CBR4: variants seen among roughly 807,000 people sequenced by gnomAD.
CBR4 encodes the protein carbonyl reductase 4, also known as 3-oxoacyl-[acyl-carrier-protein] reductase.
Under a neutral mutation model 21.0 loss-of-function variants are expected in CBR4, and 22 were observed. The observed-to-expected ratio is 1.05, with a 90% CI of 0.75 to 1.50. The LOEUF is 1.50. CBR4 is among the 40% of genes most tolerant of loss of function. CBR4 has a pLI of 0.00. For missense variants in CBR4, 302 were observed against 286.3 expected (o/e 1.05, Z -0.40); for synonymous variants, 100 against 104.4 (o/e 0.96, Z 0.26).
intron 2 of CBR4, among the ~76,000 whole-genome samples, chr4:168,946,733 A>G (rs887689554): frequency 3.3e-5 from 5 of 152,170 alleles, no homozygotes; most frequent in African/African-American, 1.2e-4. Flanking sequence ...ATATTGACAA[A>G]TGTAACCCAC....
At chr4:168,935,414 C>T (rs1296118150) in intron 2 of CBR4, among the ~76,000 whole-genome samples, 3 of 152,134 alleles carry the variant, frequency 2.0e-5, no homozygotes, top group Admixed American at 1.3e-4. Flanking sequence ...CGAGACAGAA[C>T]CATTCACTCC....
At chr4:168,926,994 T>G in intron 2 of CBR4, 1 of 219,602 alleles carries the variant, frequency 4.6e-6, no homozygotes, top group Non-Finnish European at 9.2e-6. Context: ...ATACCTTAGT[T>G]CTTAACATTT....
At chr4:168,905,201 A>G (rs1458606115) in intron 2 of CBR4, among the ~76,000 whole-genome samples, 1 of 117,268 alleles carries the variant, frequency 8.5e-6, no homozygotes, top group African/African-American at 3.2e-5. Flanking sequence ...CCCAGGCTGG[A>G]ATGCAGTGGC....
chr4:168,907,526 G>A (rs943250926), intron 2 of CBR4, among the ~76,000 whole-genome samples: 104 of 152,106 alleles, frequency 6.8e-4, no homozygotes, highest in African/African-American at 2.4e-3. Flanking sequence ...GCTAGAGGAC[G>A]GCCACACCCA....
At chr4:168,962,005 G>A (rs1763876921) in intron 2 of CBR4, among the ~76,000 whole-genome samples, 2 of 138,268 alleles carry the variant, frequency 1.4e-5, no homozygotes, top group South Asian at 4.7e-4. Flanking sequence ...AAGGAAAGGA[G>A]AGGAGGAAGG....
intron 2 of CBR4, among the ~76,000 whole-genome samples, chr4:168,963,162 T>G (rs1763913598): frequency 6.6e-6 from 1 of 152,194 alleles, no homozygotes. Flanking sequence ...TCAGAAAGAT[T>G]TGGATGGTCA....
At chr4:168,961,944 AGAGGAGAGGAGAG>A (rs1763869947) in intron 2 of CBR4, among the ~76,000 whole-genome samples, 1 of 914 alleles carries the variant, frequency 1.1e-3, no homozygotes, top group African/African-American at 3.9e-3. Context: ...AGAGCACAGG[AGAGGAGAGGAGAG>A]GAGAGGAGAG....
At position 168,931,942 on chromosome 4, in the gene CBR4, C is replaced by A. The variant is rs111510809; in HGVS notation, n.170-37177G>T. ...ACTATAAGATCCTCCAATACAAATA[C>A]GTCTTTCCCTACAAAACCTTTCATC... On this transcript the variant is annotated intron_variant and non_coding_transcript_variant, in intron 2 of 3. Transcript: ENST00000509108. 6.6e-3 allele frequency among the ~76,000 whole-genome samples: 917 copies of A among 137,992 alleles called. 7 individuals carry two copies. Among genetic ancestry groups the A allele is most frequent in the Admixed American group, 6.6e-3 (90 of 13,570 alleles). The allele number at this position is 137,992 out of a possible 152,430, so 90.5% of individuals were successfully genotyped here.
intron 2 of CBR4, among the ~76,000 whole-genome samples, chr4:168,944,996 T>C (rs1763365733): frequency 6.6e-6 from 1 of 152,222 alleles, no homozygotes; most frequent in African/African-American, 2.4e-5. Context: ...ATTAAAGAGT[T>C]TGCCTACTTC....
intron 4 of CBR4, among the ~76,000 whole-genome samples, chr4:168,996,749 A>T (rs1204338592): frequency 6.6e-6 from 1 of 152,112 alleles, no homozygotes; most frequent in African/African-American, 2.4e-5. Context: ...TCAGAAATTA[A>T]ATAAAATTTA....
At chr4:168,920,029 G>C (rs1761119977) in intron 2 of CBR4, among the ~76,000 whole-genome samples, 2 of 152,206 alleles carry the variant, frequency 1.3e-5, no homozygotes, top group East Asian at 1.9e-4. Context: ...TCAGTCAGTA[G>C]ATGGCTTATC....
intron 2 of CBR4, among the ~76,000 whole-genome samples, chr4:168,922,100 T>C (rs867899542): frequency 0.047 from 4,533 of 96,282 alleles, 136 homozygotes; most frequent in African/African-American, 0.12. Context: ...TATATATATA[T>C]ATACACACAC....
intron 2 of CBR4, among the ~76,000 whole-genome samples, chr4:168,904,936 G>C (rs540354214): frequency 2.0e-5 from 3 of 151,964 alleles, no homozygotes; most frequent in Admixed American, 2.0e-4. Flanking sequence ...AGACCAGCCT[G>C]GCCAACATGG....
intron 2 of CBR4, among the ~76,000 whole-genome samples, chr4:168,976,176 T>G (rs1403327076): frequency 6.6e-6 from 1 of 152,180 alleles, no homozygotes; most frequent in Non-Finnish European, 1.5e-5. Flanking sequence ...AAAATTCAGC[T>G]AGGAGGTTCC....
At chr4:168,913,451 A>G (rs1759461072) in intron 2 of CBR4, among the ~76,000 whole-genome samples, 2 of 152,048 alleles carry the variant, frequency 1.3e-5, no homozygotes, top group South Asian at 4.1e-4. Flanking sequence ...ACTAACATTT[A>G]ATTAGTATAT....
intron 2 of CBR4, among the ~76,000 whole-genome samples, chr4:168,925,971 A>C (rs1464209032): frequency 6.6e-6 from 1 of 152,196 alleles, no homozygotes; most frequent in Non-Finnish European, 1.5e-5. Context: ...ACTTAAAAAA[A>C]AAAAAGATAA....
Position 168,989,234 on chromosome 4 carries a change from G to A in CBR4, c.*916C>T, listed in dbSNP as rs553628979. 4.3e-5 allele frequency: 42 copies of A among 976,602 alleles called. No individual in the cohort carries two copies. The highest frequency in any genetic ancestry group is 3.4e-4 in the East Asian group (3 of 8,760). 60.5% of individuals were successfully genotyped at this position (976,602 alleles called of 1,614,324 possible). On this transcript the variant is annotated 3_prime_UTR_variant, in exon 5 of 5. Coordinates refer to ENST00000306193, the MANE Select transcript of CBR4 (RefSeq NM_032783.5). ...TAATTTTTTAAATGTTGTATTTCTC[G>A]TTTTTAAATATTAATAGTTCACTAT...
chr4:168,936,384 G>A (rs1263193070), intron 2 of CBR4, among the ~76,000 whole-genome samples: 1 of 152,130 alleles, frequency 6.6e-6, no homozygotes, highest in Non-Finnish European at 1.5e-5. Flanking sequence ...CTCCTCCAAA[G>A]GATCACAACT....
chr4:168,907,883 G>C (rs1374946670), intron 2 of CBR4, among the ~76,000 whole-genome samples: 6 of 151,978 alleles, frequency 3.9e-5, no homozygotes, highest in Admixed American at 6.6e-5. Context: ...ACAGTAAACA[G>C]ACCAGTTTCT....
Sources: allele counts gnomAD v4.1 joint callset (sites outside exome capture counted in the v4.1 genomes callset), GRCh38; gene constraint gnomAD v4.1.1; transcripts MANE v1.5; gene names NCBI Gene and HGNC (gene_info 2026-07-23, HGNC 2026-07-21).